Variants in TIGAR observed in about 807,000 individuals in gnomAD.
TIGAR encodes fructose-2,6-bisphosphatase TIGAR.
Under a neutral mutation model 17.9 loss-of-function variants are expected in TIGAR, and 7 were observed. The observed-to-expected ratio is 0.39, with a 90% CI of 0.22 to 0.73. The LOEUF (loss-of-function observed/expected upper bound fraction) is 0.73, where lower values mean the gene tolerates loss of function less well. TIGAR is among the 30% of genes least tolerant of loss of function. The pLI, the probability that TIGAR is intolerant of heterozygous loss-of-function variation, is 0.42. For synonymous variants in TIGAR, 94 were observed against 108.6 expected (o/e 0.87, Z 0.84); for missense variants, 258 against 327.4 (o/e 0.79, Z 1.64).
rs1364516546 is a variant in TIGAR, at chr12:4,352,286, T to C, written c.408T>C (p.Phe136=). 1.2e-6 allele frequency: 2 copies of C among 1,612,216 alleles called. No homozygotes were observed. The highest frequency in any genetic ancestry group is 1.7e-6 in the Non-Finnish European group (2 of 1,178,996). ...DQVKMRGIDF[F]EFLCQLILKE... The stretch of plus-strand genomic sequence containing the variant: ...TGAAAATGCGTGGAATAGACTTTTT[T>C]GAATTTCTTTGTCAACTAATCCTGA... Residue 136 remains phenylalanine, a synonymous_variant, in exon 6 of 6, where the codon TTT becomes TTC. Coordinates refer to ENST00000179259, the MANE Select transcript of TIGAR (RefSeq NM_020375.3).
chr12:4,327,448 T>C (rs1289153044), intron 1 of TIGAR, among the ~76,000 whole-genome samples: 6 of 150,824 alleles, frequency 4.0e-5, no homozygotes. Flanking sequence ...ATGTGACATA[T>C]AGAGATAGCC....
intron 4 of TIGAR, 93 bp downstream of exon 4, chr12:4,349,989 T>C (rs1864820483): frequency 1.2e-5 from 10 of 839,864 alleles, no homozygotes; most frequent in Non-Finnish European, 1.9e-5. Context: ...GCATTTCTGC[T>C]AGGGATTTCG....
chr12:4,333,548 A>C (rs568855165), intron 2 of TIGAR, among the ~76,000 whole-genome samples: 30 of 152,190 alleles, frequency 2.0e-4, no homozygotes, highest in Non-Finnish European at 3.7e-4. Context: ...CGGCTCCTGC[A>C]ACCTCCACCT....
At chr12:4,337,007 A>T in intron 2 of TIGAR, 32 bp from the exon 3 acceptor site, 3 of 1,557,592 alleles carry the variant, frequency 1.9e-6, no homozygotes, top group Non-Finnish European at 2.6e-6. Flanking sequence ...GTAGTTTTGA[A>T]TGTTATTGTT....
At chr12:4,351,217 G>A (rs758862627) in intron 4 of TIGAR, 50 bp from the exon 5 acceptor site, 7 of 1,549,226 alleles carry the variant, frequency 4.5e-6, no homozygotes, top group Non-Finnish European at 6.2e-6. Flanking sequence ...AAACTTAATT[G>A]TTATATTGCA....
intron 1 of TIGAR, among the ~76,000 whole-genome samples, chr12:4,326,535 AAACTG>A (rs1294373711): frequency 1.3e-5 from 2 of 152,232 alleles, no homozygotes; most frequent in Non-Finnish European, 2.9e-5. Context: ...AAATAGAACT[AAACTG>A]AATGCTGTGA....
chr12:4,352,571 C>T lies in TIGAR; in HGVS notation c.693C>T (p.Pro231=), dbSNP rs769258002. 2 of 1,613,698 alleles carry T rather than the reference C, an allele frequency of 1.2e-6. No individual in the cohort carries two copies. Among genetic ancestry groups the T allele is most frequent in the East Asian group, 4.5e-5 (2 of 44,882 alleles). The change falls in exon 6 of 6, where the codon CCC becomes CCT. Residue 231 remains proline, a synonymous_variant. Coordinates refer to ENST00000179259, the MANE Select transcript of TIGAR (RefSeq NM_020375.3). The part of the protein sequence containing the change: ...LSRSELMSVT[P]NTGMSLFIIN... ...GATCTGAACTTATGTCAGTCACTCC[C>T]AATACAGGGATGAGTCTCTTTATCA... is the stretch of plus-strand genomic sequence containing the variant.
intron 2 of TIGAR, chr12:4,335,772 C>T (rs1226121239): frequency 6.6e-6 from 1 of 152,226 alleles, no homozygotes; most frequent in Non-Finnish European, 1.5e-5. Context: ...TATATCTGAG[C>T]TATGCTCTAT....
At chr12:4,330,332 C>G (rs941240037) in intron 1 of TIGAR, among the ~76,000 whole-genome samples, 1 of 152,172 alleles carries the variant, frequency 6.6e-6, no homozygotes, top group East Asian at 1.9e-4. Flanking sequence ...ATTGAAGAAA[C>G]CTTCCATCAC....
chr12:4,334,746 G>A (rs1376673562), intron 2 of TIGAR, among the ~76,000 whole-genome samples: 2 of 152,028 alleles, frequency 1.3e-5, no homozygotes, highest in African/African-American at 2.4e-5. Flanking sequence ...GGCTTCAGTC[G>A]GTACACACTT....
At chr12:4,344,166 G>A (rs745701659) in intron 3 of TIGAR, among the ~76,000 whole-genome samples, 2 of 152,108 alleles carry the variant, frequency 1.3e-5, no homozygotes, top group Non-Finnish European at 2.9e-5. Flanking sequence ...ACCCTCCCAA[G>A]ACTAAAACAG....
In TIGAR at chr12:4,351,252, A is replaced by C. The variant is rs769564471; in HGVS notation, c.271-15A>C. Reference sequence around the variant, plus strand: ...AATTTCATTTGAGAAACTGTTATCTATTGGACTGTTTCAGAAATACGGGGT... The same window carrying C: ...AATTTCATTTGAGAAACTGTTATCTCTTGGACTGTTTCAGAAATACGGGGT... On this transcript the variant is annotated splice_polypyrimidine_tract_variant and intron_variant, in intron 4 of 5. Coordinates refer to ENST00000179259, the MANE Select transcript of TIGAR (RefSeq NM_020375.3). 15 of 1,610,376 alleles carry C rather than the reference A, an allele frequency of 9.3e-6. No individual in the cohort carries two copies. The African/African-American group carries it at 1.9e-4, about 20-fold the overall frequency.
chr12:4,350,139 T>C (rs1007614726), intron 4 of TIGAR, among the ~76,000 whole-genome samples: 12 of 152,176 alleles, frequency 7.9e-5, no homozygotes, highest in Non-Finnish European at 1.5e-4. Context: ...CTTAACACAG[T>C]ATAGAAGAGT....
intron 2 of TIGAR, among the ~76,000 whole-genome samples, chr12:4,333,082 G>A (rs563343385): frequency 6.6e-6 from 1 of 152,194 alleles, no homozygotes; most frequent in Admixed American, 6.5e-5. Flanking sequence ...TTTTCTTATA[G>A]TGGTCCCCAA....
chr12:4,324,230 C>G (rs1864510787), intron 1 of TIGAR: 1 of 603,462 alleles, frequency 1.7e-6, no homozygotes, highest in Non-Finnish European at 2.9e-6. Flanking sequence ...GTTGGCATTA[C>G]CATCACCTAT....
chr12:4,328,646 G>T (rs1450425967), intron 1 of TIGAR, among the ~76,000 whole-genome samples: 2 of 147,872 alleles, frequency 1.4e-5, no homozygotes, highest in Non-Finnish European at 3.0e-5. Context: ...GCATGATCTT[G>T]GCTCACTGCA....
intron 3 of TIGAR, among the ~76,000 whole-genome samples, chr12:4,347,800 T>C (rs1215750762): frequency 2.6e-5 from 4 of 152,140 alleles, no homozygotes; most frequent in African/African-American, 4.8e-5. Flanking sequence ...TAGATAAATA[T>C]ATGATAATAA....
At position 4,352,794 on chromosome 12, in the gene TIGAR, A is replaced by G; in HGVS notation, c.*103A>G. 8.5e-7 allele frequency: 1 copy of G among 1,178,254 alleles called. No individual in the cohort carries two copies. The highest frequency in any genetic ancestry group is 1.6e-5 in the South Asian group (1 of 62,042). 73.0% of individuals were successfully genotyped at this position (1,178,254 alleles called of 1,614,324 possible). On this transcript the variant is annotated 3_prime_UTR_variant, in exon 6 of 6. Coordinates refer to ENST00000179259, the MANE Select transcript of TIGAR (RefSeq NM_020375.3). ...GCTAGTTCTGATTTGGAAACAGTTA[A>G]AAGCCAATTTTTAGCTCCAGTGGAA...
At chr12:4,339,527 A>C (rs895036669) in intron 3 of TIGAR, among the ~76,000 whole-genome samples, 1 of 152,236 alleles carries the variant, frequency 6.6e-6, no homozygotes, top group Non-Finnish European at 1.5e-5. Flanking sequence ...GGAGGAGGGA[A>C]TACTTCCAAA....
Sources: gnomAD v4.1 joint callset for allele counts (sites outside exome capture counted in the v4.1 genomes callset) on GRCh38, gnomAD v4.1.1 for gene constraint, MANE v1.5 for transcripts, NCBI Gene and HGNC (gene_info 2026-07-23, HGNC 2026-07-21) for gene names.